Variants in SNX29 observed in about 807,000 individuals in gnomAD.
SNX29 encodes the protein sorting nexin 29.
Under a neutral mutation model 102.1 loss-of-function variants are expected in SNX29, and 78 were observed. That is an observed-to-expected ratio of 0.76 (90% CI 0.64 to 0.92). SNX29 has a LOEUF of 0.92. Ranked by LOEUF, SNX29 falls within the 40% of genes least tolerant of loss-of-function variation. SNX29 has a pLI of 0.00. For missense variants in SNX29, 1,280 were observed against 1,061.7 expected (o/e 1.21, Z -2.86); for synonymous variants, 580 against 414.5 (o/e 1.40, Z -4.85).
chr16:12,267,332 G>A (rs994587594), intron 14 of SNX29, among the ~76,000 whole-genome samples: 1 of 152,062 alleles, frequency 6.6e-6, no homozygotes, highest in African/African-American at 2.4e-5. Flanking sequence ...CCAAGCGGGG[G>A]ATTTTGAAAT....
chr16:12,436,037 A>G (rs1024277853), intron 18 of SNX29, among the ~76,000 whole-genome samples: 2 of 152,136 alleles, frequency 1.3e-5, no homozygotes, highest in African/African-American at 2.4e-5. Context: ...GCTAGGATCA[A>G]ATGTTGTGGG....
intron 11 of SNX29, among the ~76,000 whole-genome samples, chr16:12,120,046 G>C (rs2053907906): frequency 6.6e-6 from 1 of 152,192 alleles, no homozygotes; most frequent in Non-Finnish European, 1.5e-5. Context: ...GGTGGGCTAG[G>C]GGAGGAGGGT....
chr16:12,147,880 ACTT>A (rs1253253740), intron 13 of SNX29, among the ~76,000 whole-genome samples: 2 of 152,178 alleles, frequency 1.3e-5, no homozygotes, highest in African/African-American at 4.8e-5. Flanking sequence ...CTGCCAAGCA[ACTT>A]CTTTTTATTT....
intron 3 of SNX29, among the ~76,000 whole-genome samples, chr16:12,006,211 A>G (rs1023728023): frequency 1.3e-5 from 2 of 148,692 alleles, no homozygotes; most frequent in East Asian, 3.9e-4. Flanking sequence ...CTCTAAAATA[A>G]TAATAATAAT....
chr16:12,042,115 C>T (rs748169943), intron 4 of SNX29, among the ~76,000 whole-genome samples: 10 of 152,174 alleles, frequency 6.6e-5, no homozygotes, highest in Non-Finnish European at 1.3e-4. Context: ...ACTGCAACCT[C>T]CGCCTCCTGG....
chr16:11,983,334 A>G, intron 1 of SNX29, among the ~76,000 whole-genome samples: 1 of 147,588 alleles, frequency 6.8e-6, no homozygotes, highest in East Asian at 2.0e-4. Context: ...TCAACCTTCC[A>G]AAGTGCTGAG....
intron 15 of SNX29, among the ~76,000 whole-genome samples, chr16:12,301,400 C>G (rs1023467076): frequency 6.6e-6 from 1 of 152,192 alleles, no homozygotes; most frequent in African/African-American, 2.4e-5. Flanking sequence ...AGGGTTACTC[C>G]ACCCTCCAGG....
chr16:12,573,656 C>G lies in SNX29; in HGVS notation c.*5027C>G, dbSNP rs769206178. 85 of 222,464 alleles carry G rather than the reference C, an allele frequency of 3.8e-4. 1 individual carries two copies. In the Middle Eastern group the frequency reaches 4.2e-3, roughly 11 times the overall value. The allele number at this position is 222,464 out of a possible 1,614,324, so 13.8% of individuals were successfully genotyped here. ...GGCAAGGGGAACCACCACTCATTCA[C>G]TGTCAGTGTAGGTAAGACAGAGGAT... On this transcript the variant is annotated 3_prime_UTR_variant, in exon 21 of 21. Coordinates refer to ENST00000566228, the MANE Select transcript of SNX29 (RefSeq NM_032167.5).
intron 4 of SNX29, among the ~76,000 whole-genome samples, chr16:12,033,292 A>G (rs2057392329): frequency 6.6e-6 from 1 of 152,044 alleles, no homozygotes; most frequent in Non-Finnish European, 1.5e-5. Context: ...TTGTAGGGAC[A>G]GTATCTTACT....
At chr16:12,164,680 CTTTTTTTTTTT>C (rs34046413) in intron 13 of SNX29, among the ~76,000 whole-genome samples, 1 of 90,606 alleles carries the variant, frequency 1.1e-5, no homozygotes, top group African/African-American at 5.1e-5. Flanking sequence ...TTATTCATGC[CTTTTTTTTTTT>C]TTTTTTTTTT....
intron 14 of SNX29, among the ~76,000 whole-genome samples, chr16:12,263,113 T>C (rs891558490): frequency 7.9e-5 from 12 of 151,842 alleles, no homozygotes; most frequent in Admixed American, 5.2e-4. Flanking sequence ...ATGTCCTCTC[T>C]TCTTGGACTG....
intron 18 of SNX29, among the ~76,000 whole-genome samples, chr16:12,473,158 C>G (rs1387328306): frequency 6.6e-6 from 1 of 152,118 alleles, no homozygotes; most frequent in Non-Finnish European, 1.5e-5. Context: ...CCTCTGAAAT[C>G]CTTAGTGAAA....
At chr16:12,072,427 A>T (rs190871740) in intron 10 of SNX29, among the ~76,000 whole-genome samples, 5 of 152,208 alleles carry the variant, frequency 3.3e-5, no homozygotes, top group Admixed American at 2.6e-4. Context: ...TGAGATAATC[A>T]TGTGGTTTTT....
chr16:12,337,663 A>C (rs1412313897), intron 15 of SNX29, among the ~76,000 whole-genome samples: 1 of 152,192 alleles, frequency 6.6e-6, no homozygotes, highest in Admixed American at 6.5e-5. Flanking sequence ...TTTGAAGAAG[A>C]ATACTTGCAA....
chr16:12,313,306 G>A (rs209854), intron 15 of SNX29, among the ~76,000 whole-genome samples: 61,893 of 152,072 alleles, frequency 0.41, 14,028 homozygotes, highest in Non-Finnish European at 0.54. Context: ...GAGCCACTGC[G>A]CCTGGCCTGG....
At chr16:12,272,179 C>T (rs531757007) in intron 14 of SNX29, among the ~76,000 whole-genome samples, 1 of 152,314 alleles carries the variant, frequency 6.6e-6, no homozygotes, top group South Asian at 2.1e-4. Flanking sequence ...TCTGCCCCCA[C>T]CAGTGTTGAA....
At chr16:12,170,811 G>A (rs2076132667) in intron 13 of SNX29, among the ~76,000 whole-genome samples, 1 of 151,536 alleles carries the variant, frequency 6.6e-6, no homozygotes, top group Admixed American at 6.6e-5. Context: ...GTGTGTATGG[G>A]GTGTGTGACT....
intron 18 of SNX29, among the ~76,000 whole-genome samples, chr16:12,438,921 C>G (rs922225220): frequency 6.6e-6 from 1 of 152,158 alleles, no homozygotes; most frequent in African/African-American, 2.4e-5. Flanking sequence ...GAGGGAAACA[C>G]AGCAGGGAAG....
chr16:12,031,777 C>A (rs549836871), intron 4 of SNX29, among the ~76,000 whole-genome samples: 34 of 152,144 alleles, frequency 2.2e-4, no homozygotes, highest in Middle Eastern at 3.4e-3. Flanking sequence ...TGCACTCCAG[C>A]CTGGGCAACA....
Sources: allele counts gnomAD v4.1 joint callset (sites outside exome capture counted in the v4.1 genomes callset), GRCh38; gene constraint gnomAD v4.1.1; transcripts MANE v1.5; gene names NCBI Gene and HGNC (gene_info 2026-07-23, HGNC 2026-07-21).